Variants in PRKCB observed in about 807,000 individuals in gnomAD.
PRKCB encodes protein kinase C beta type.
Under a neutral mutation model 81.5 loss-of-function variants are expected in PRKCB, and 13 were observed. That is an observed-to-expected ratio of 0.16 (90% CI 0.10 to 0.25). The LOEUF is 0.25. Ranked by LOEUF, PRKCB falls within the 10% of genes least tolerant of loss-of-function variation. PRKCB has a pLI of 1.00. For synonymous variants in PRKCB, 335 were observed against 321.4 expected (o/e 1.04, Z -0.45); for missense variants, 509 against 875.7 (o/e 0.58, Z 5.29).
intron 3 of PRKCB, among the ~76,000 whole-genome samples, chr16:24,011,671 C>A (rs995299315): frequency 6.6e-6 from 1 of 152,094 alleles, no homozygotes; most frequent in African/African-American, 2.4e-5. Context: ...CATACACCAC[C>A]ACACCTGGCT....
intron 2 of PRKCB, among the ~76,000 whole-genome samples, chr16:23,842,170 C>G (rs1270144825): frequency 6.6e-6 from 1 of 152,054 alleles, no homozygotes; most frequent in Non-Finnish European, 1.5e-5. Context: ...GAGTTGGAGT[C>G]CAGTAGAATT....
At chr16:24,150,649 C>T (rs1257954162) in intron 9 of PRKCB, among the ~76,000 whole-genome samples, 2 of 152,224 alleles carry the variant, frequency 1.3e-5, no homozygotes, top group Non-Finnish European at 2.9e-5. Context: ...CCCTGATCTT[C>T]TTGAAACACT....
intron 8 of PRKCB, 66 bp downstream of exon 8, chr16:24,113,135 TC>T: frequency 1.7e-6 from 2 of 1,208,672 alleles, no homozygotes; most frequent in Non-Finnish European, 2.4e-6. Context: ...TTCCTCCTGC[TC>T]CCTCCTCTTT....
intron 5 of PRKCB, among the ~76,000 whole-genome samples, chr16:24,073,736 G>A (rs1408909485): frequency 6.6e-6 from 1 of 152,186 alleles, no homozygotes; most frequent in Admixed American, 6.5e-5. Context: ...TACCTAAAAT[G>A]TGTCCAGTAT....
At chr16:23,940,605 A>G (rs1355886844) in intron 2 of PRKCB, among the ~76,000 whole-genome samples, 1 of 152,082 alleles carries the variant, frequency 6.6e-6, no homozygotes, top group Admixed American at 6.6e-5. Flanking sequence ...TCTACTTCTA[A>G]TTATATATTT....
chr16:24,128,938 G>C (rs1312150892), intron 9 of PRKCB, among the ~76,000 whole-genome samples: 1 of 152,124 alleles, frequency 6.6e-6, no homozygotes, highest in Non-Finnish European at 1.5e-5. Flanking sequence ...AAATTATGCT[G>C]CATATATATA....
intron 10 of PRKCB, among the ~76,000 whole-genome samples, chr16:24,159,595 T>A (rs911207701): frequency 6.6e-6 from 1 of 152,182 alleles, no homozygotes; most frequent in Non-Finnish European, 1.5e-5. Context: ...TGCTAAGTAG[T>A]GGAGCTAAGA....
At chr16:24,051,457 G>A (rs561453817) in intron 5 of PRKCB, among the ~76,000 whole-genome samples, 18 of 152,258 alleles carry the variant, frequency 1.2e-4, no homozygotes, top group Non-Finnish European at 2.5e-4. Context: ...CTTTGGATTG[G>A]TTGGTTTGCA....
At chr16:24,162,152 CA>C (rs1225261279) in intron 10 of PRKCB, among the ~76,000 whole-genome samples, 1 of 152,060 alleles carries the variant, frequency 6.6e-6, no homozygotes, top group Admixed American at 6.6e-5. Flanking sequence ...GGAGGAACGT[CA>C]ATTCAGAATG....
rs764831474 is a variant in PRKCB, at chr16:24,154,817, C to T, written c.1199C>T (p.Pro400Leu). The change falls in exon 10 of 17, where the codon CCG becomes CTG. Residue 400 changes from proline (P) to leucine (L), a missense_variant. By Grantham distance (98) the Pro-to-Leu change is moderately conservative (BLOSUM62 -3). This residue lies in a region of PRKCB where 106 missense variants were observed against 214.0 expected (regional missense o/e 0.50). Coordinates refer to ENST00000643927, the MANE Select transcript of PRKCB (RefSeq NM_002738.7). The part of the protein sequence containing the change: ...EKRVLALPGK[P>L]PFLTQLHSCF... Reference sequence around the variant, plus strand: ...CGGGTGTTGGCCCTGCCTGGGAAGCCGCCCTTCCTGACCCAGCTCCACTCC... The same window carrying T: ...CGGGTGTTGGCCCTGCCTGGGAAGCTGCCCTTCCTGACCCAGCTCCACTCC... 2.5e-6 allele frequency: 4 copies of T among 1,613,964 alleles called. No homozygotes were observed. Among genetic ancestry groups the T allele is most frequent in the Non-Finnish European group, 8.5e-7 (1 of 1,179,994 alleles).
rs190798839 is a variant in PRKCB at position 24,217,109 on chromosome 16, A to T, written c.*2293A>T. On this transcript the variant is annotated 3_prime_UTR_variant, in exon 17 of 17. Coordinates refer to ENST00000643927, the MANE Select transcript of PRKCB (RefSeq NM_002738.7). Reference sequence around the variant, plus strand: ...AAGAGAAAGAAAGGAAAGAAAGAAGAAAAAGAAAGAAGGAAAGAAAGAAAG... The same window carrying T: ...AAGAGAAAGAAAGGAAAGAAAGAAGTAAAAGAAAGAAGGAAAGAAAGAAAG... 2.6e-4 allele frequency: 252 copies of T among 984,124 alleles called. No individual in the cohort carries two copies. The highest frequency in any genetic ancestry group is 1.1e-4 in the Non-Finnish European group (91 of 829,116). The allele number at this position is 984,124 out of a possible 1,614,324, so 61.0% of individuals were successfully genotyped here. A position where few individuals can be genotyped will look rare whatever the true frequency, so the allele number is the denominator to read the frequency against.
chr16:23,838,704 C>G (rs1962211933), intron 2 of PRKCB, among the ~76,000 whole-genome samples: 1 of 152,212 alleles, frequency 6.6e-6, no homozygotes, highest in South Asian at 2.1e-4. Flanking sequence ...GTGTAGGTGG[C>G]ATCGTCAGTG....
At chr16:24,058,231 C>T (rs1965929015) in intron 5 of PRKCB, among the ~76,000 whole-genome samples, 1 of 152,058 alleles carries the variant, frequency 6.6e-6, no homozygotes, top group Non-Finnish European at 1.5e-5. Context: ...TGAAGAAACC[C>T]CTCCCAGTCA....
chr16:24,082,889 C>G (rs1194872204), intron 5 of PRKCB, among the ~76,000 whole-genome samples: 14 of 151,524 alleles, frequency 9.2e-5, no homozygotes, highest in Non-Finnish European at 1.9e-4. Context: ...TTTTATTTTG[C>G]AAGAAACAAA....
At chr16:24,208,914 C>G (rs1968090120) in intron 16 of PRKCB, among the ~76,000 whole-genome samples, 1 of 152,216 alleles carries the variant, frequency 6.6e-6, no homozygotes. Context: ...CACGCTCCCT[C>G]TGTATCGCAC....
chr16:23,895,111 T>A (rs1031432448), intron 2 of PRKCB, among the ~76,000 whole-genome samples: 1 of 152,218 alleles, frequency 6.6e-6, no homozygotes, highest in African/African-American at 2.4e-5. Context: ...TTCATGATCA[T>A]TTTTGGTATA....
At chr16:23,906,238 G>T (rs1445597035) in intron 2 of PRKCB, among the ~76,000 whole-genome samples, 1 of 152,154 alleles carries the variant, frequency 6.6e-6, no homozygotes, top group African/African-American at 2.4e-5. Flanking sequence ...AATCTGATCA[G>T]TGAAAAACTA....
chr16:24,108,789 T>A (rs1202552253), intron 7 of PRKCB, among the ~76,000 whole-genome samples: 3 of 151,774 alleles, frequency 2.0e-5, no homozygotes. Context: ...GATTTCTCAA[T>A]CTTTTCCCCA....
chr16:24,212,766 C>A (rs943048821), intron 16 of PRKCB, among the ~76,000 whole-genome samples: 7 of 151,520 alleles, frequency 4.6e-5, no homozygotes, highest in Non-Finnish European at 1.0e-4. Flanking sequence ...CACGCCTGGC[C>A]CAGAACCTGT....
Sources: allele counts gnomAD v4.1 joint callset (sites outside exome capture counted in the v4.1 genomes callset), GRCh38; gene constraint gnomAD v4.1.1; regional missense constraint gnomAD v4.1.1; transcripts MANE v1.5; gene names NCBI Gene and HGNC (gene_info 2026-07-23, HGNC 2026-07-21).